Variants in EYS observed in about 807,000 individuals in gnomAD.
The protein encoded by EYS is protein eyes shut homolog.
In EYS, 250 loss-of-function variants were observed where a neutral mutation model predicts 282.1. The ratio of observed to expected loss-of-function variants is 0.89; its 90% confidence interval spans 0.80 to 0.98. The LOEUF is 0.98. EYS is among the 50% of genes least tolerant of loss of function. The probability of loss-of-function intolerance (pLI) is 0.00; values close to 1 mark genes in which losing one functional copy is unlikely to be tolerated. For missense variants in EYS, 4,016 were observed against 3,709.0 expected, an observed-to-expected ratio of 1.08 and a Z score of -2.15; for synonymous variants, 1,355 against 1,282.9, an observed-to-expected ratio of 1.06 and a Z score of -1.20.
chr6:65,388,613 T>C (rs1433027298), intron 7 of EYS, among the ~76,000 whole-genome samples: 3 of 151,996 alleles, frequency 2.0e-5, no homozygotes, highest in Non-Finnish European at 4.4e-5. Context: ...AGGAAACATC[T>C]CAAAGACCAA....
At chr6:64,810,566 GCA>G (rs1764562955) in intron 22 of EYS, among the ~76,000 whole-genome samples, 1 of 152,110 alleles carries the variant, frequency 6.6e-6, no homozygotes, top group Admixed American at 6.5e-5. Context: ...TTAAAGGGTA[GCA>G]CAGTCTTTAC....
rs1289880210 is a variant in EYS at position 64,590,889 on chromosome 6, A to C, written c.4978T>G (p.Cys1660Gly). ...ATGGATAAACAAGTCTTATCCAAAC[A>C]TAAATTAACATCCAAATTACTTGAT... ...TLSSNLDVNL[C>G]LDKTCLSIVP... The change falls in exon 26 of 43, where the codon TGT becomes GGT. Residue 1660 changes from cysteine to glycine, a missense_variant. Physicochemically the swap from Cys to Gly is radical, Grantham distance 159. Coordinates refer to ENST00000503581, the MANE Select transcript of EYS (RefSeq NM_001142800.2). 11 of 1,550,650 alleles carry C rather than the reference A, an allele frequency of 7.1e-6. No homozygotes were observed. The highest frequency in any genetic ancestry group is 9.6e-6 in the Non-Finnish European group (11 of 1,146,654).
intron 2 of EYS, among the ~76,000 whole-genome samples, chr6:65,554,883 T>C (rs148818399): frequency 1.3e-3 from 203 of 152,302 alleles, no homozygotes; most frequent in African/African-American, 4.7e-3. Context: ...TTGTCTGGTA[T>C]CAGCCCTGAT....
chr6:63,778,876 A>C (rs1397563777), intron 39 of EYS, among the ~76,000 whole-genome samples: 1 of 152,150 alleles, frequency 6.6e-6, no homozygotes, highest in Non-Finnish European at 1.5e-5. Flanking sequence ...AGCTAATAAA[A>C]TACTATTTTA....
chr6:65,213,585 C>T (rs1766230344), intron 12 of EYS, among the ~76,000 whole-genome samples: 1 of 152,082 alleles, frequency 6.6e-6, no homozygotes, highest in Non-Finnish European at 1.5e-5. Context: ...GTTCAGCGAT[C>T]TCTTATGTTA....
At chr6:64,492,969 G>A (rs781706272) in intron 26 of EYS, among the ~76,000 whole-genome samples, 4 of 151,204 alleles carry the variant, frequency 2.6e-5, no homozygotes, top group African/African-American at 9.7e-5. Context: ...AAGTAAATTC[G>A]AAAGCATTGA....
intron 15 of EYS, among the ~76,000 whole-genome samples, chr6:64,925,278 C>T (rs1056345932): frequency 1.4e-4 from 21 of 152,196 alleles, no homozygotes; most frequent in African/African-American, 4.8e-4. Flanking sequence ...GACCAGACCT[C>T]ATGATTCAAT....
intron 2 of EYS, among the ~76,000 whole-genome samples, chr6:65,593,783 G>A (rs567400935): frequency 4.0e-5 from 6 of 151,860 alleles, no homozygotes; most frequent in Non-Finnish European, 8.8e-5. Context: ...TTTAGGAAGT[G>A]TTTCTGTCAG....
intron 31 of EYS, 80 bp downstream of exon 31, chr6:64,230,512 T>A: frequency 1.0e-6 from 1 of 981,670 alleles, no homozygotes; most frequent in Non-Finnish European, 1.5e-6. Flanking sequence ...ATCACTAAGT[T>A]TACAATACAT....
rs371386560 is a variant in EYS, at chr6:64,815,413, G to A, written c.3244-1836C>T. 2.2e-3 allele frequency among the ~76,000 whole-genome samples: 340 copies of A among 152,092 alleles called. 6 individuals are homozygous for A. The highest frequency in any genetic ancestry group is 7.7e-3 in the African/African-American group (318 of 41,544). On this transcript the variant is annotated intron_variant, in intron 21 of 42. Transcript: ENST00000503581. Reference sequence around the variant, plus strand: ...AAACATTACATAAACTAATTGAATTGTATCTCCCATGGGAAAATAGGGATA... The same window carrying A: ...AAACATTACATAAACTAATTGAATTATATCTCCCATGGGAAAATAGGGATA...
chr6:65,506,305 T>C (rs905966178), intron 2 of EYS, among the ~76,000 whole-genome samples: 8 of 152,030 alleles, frequency 5.3e-5, no homozygotes, highest in Admixed American at 2.0e-4. Flanking sequence ...TTTGTAACTG[T>C]ATTTCACTGA....
intron 22 of EYS, among the ~76,000 whole-genome samples, chr6:64,729,489 G>T (rs1429784453): frequency 6.6e-6 from 1 of 152,122 alleles, no homozygotes; most frequent in Non-Finnish European, 1.5e-5. Flanking sequence ...TTCATAAAAA[G>T]GATATGTCTC....
intron 28 of EYS, among the ~76,000 whole-genome samples, chr6:64,410,393 C>A (rs1364210651): frequency 6.6e-6 from 1 of 152,120 alleles, no homozygotes; most frequent in Non-Finnish European, 1.5e-5. Context: ...AAATGAGTCG[C>A]ATTGCTATCT....
chr6:64,775,828 G>C (rs187223101), intron 22 of EYS, among the ~76,000 whole-genome samples: 1 of 152,106 alleles, frequency 6.6e-6, no homozygotes, highest in Admixed American at 6.6e-5. Context: ...CATCAAGGTA[G>C]TACAATATAT....
chr6:64,184,897 GT>G (rs11306448), intron 31 of EYS, among the ~76,000 whole-genome samples: 46,710 of 149,770 alleles, frequency 0.31, 7,262 homozygotes, highest in East Asian at 0.5. Context: ...TGGTCTGAAT[GT>G]TTTTTTTCTC....
At chr6:64,011,735 T>C (rs1392760731) in intron 33 of EYS, among the ~76,000 whole-genome samples, 3 of 152,284 alleles carry the variant, frequency 2.0e-5, no homozygotes, top group East Asian at 3.9e-4. Flanking sequence ...CAGTATCTCA[T>C]TGCTGGGCTG....
intron 26 of EYS, among the ~76,000 whole-genome samples, chr6:64,536,956 G>T (rs1033984927): frequency 6.6e-6 from 1 of 150,964 alleles, no homozygotes; most frequent in Admixed American, 6.6e-5. Context: ...ATATACATTT[G>T]TTTATGTATT....
chr6:64,592,125 C>G, intron 25 of EYS, 136 bp from the exon 26 acceptor site: 1 of 540,704 alleles, frequency 1.8e-6, no homozygotes, highest in East Asian at 3.0e-5. Context: ...TTCTGTAAAT[C>G]ATATTTCTAA....
Position 64,249,020 on chromosome 6 carries a change from C to T in EYS, c.6192-18196G>A, listed in dbSNP as rs550928173. Among the ~76,000 whole-genome samples the T allele has an allele frequency of 7.7e-5, 11 of 143,174 alleles. No homozygotes were observed. The East Asian group carries it at 1.4e-3, about 19-fold the overall frequency. 93.9% of individuals were successfully genotyped at this position (143,174 alleles called of 152,430 possible). ...CAGTGGTTGCAACCAGCAGAGATCA[C>T]GCCACTGCACTCCAGCCTGGGCTAC... is the stretch of plus-strand genomic sequence containing the variant. On this transcript the variant is annotated intron_variant, in intron 30 of 42. Coordinates refer to ENST00000503581, the MANE Select transcript of EYS (RefSeq NM_001142800.2).
Sources: gnomAD v4.1 joint callset for allele counts (sites outside exome capture counted in the v4.1 genomes callset) on GRCh38, gnomAD v4.1.1 for gene constraint, MANE v1.5 for transcripts, NCBI Gene and HGNC (gene_info 2026-07-23, HGNC 2026-07-21) for gene names.